Variants in MAGI2 observed in about 807,000 individuals in gnomAD.
MAGI2 encodes the protein membrane associated guanylate kinase, WW and PDZ domain containing 2, also known as membrane-associated guanylate kinase, WW and PDZ domain-containing protein 2.
Under a neutral mutation model 133.3 loss-of-function variants are expected in MAGI2, and 35 were observed. The ratio of observed to expected loss-of-function variants is 0.26; its 90% CI spans 0.20 to 0.35. MAGI2 has a LOEUF of 0.35. MAGI2 is among the 10% of genes least tolerant of loss of function. MAGI2 has a pLI of 1.00. For synonymous variants in MAGI2, 729 were observed against 710.6 expected (o/e 1.03, Z -0.41); for missense variants, 1,636 against 1,863.4 (o/e 0.88, Z 2.25).
chr7:79,440,982 G>C (rs1188100769), intron 1 of MAGI2, among the ~76,000 whole-genome samples: 1 of 152,180 alleles, frequency 6.6e-6, no homozygotes, highest in Non-Finnish European at 1.5e-5. Flanking sequence ...ATAGTCTTTT[G>C]TTGAATCTTA....
At chr7:78,142,048 T>A (rs1822817861) in intron 16 of MAGI2, among the ~76,000 whole-genome samples, 1 of 152,162 alleles carries the variant, frequency 6.6e-6, no homozygotes, top group Admixed American at 6.5e-5. Context: ...AACTGTTCTA[T>A]CCTGGAACAT....
chr7:78,898,917 A>G (rs1013576623), intron 2 of MAGI2, among the ~76,000 whole-genome samples: 2 of 152,138 alleles, frequency 1.3e-5, no homozygotes, highest in Non-Finnish European at 2.9e-5. Flanking sequence ...TATGGTGGAA[A>G]TACTACATAA....
intron 21 of MAGI2, among the ~76,000 whole-genome samples, chr7:78,062,887 TC>T (rs1269868010): frequency 2.0e-5 from 3 of 152,302 alleles, no homozygotes; most frequent in Admixed American, 6.5e-5. Flanking sequence ...CTTCCTGACA[TC>T]ATCTCCCACC....
intron 1 of MAGI2, among the ~76,000 whole-genome samples, chr7:79,357,659 CA>C (rs1412225215): frequency 3.3e-4 from 50 of 152,164 alleles, no homozygotes; most frequent in Non-Finnish European, 1.0e-4. Flanking sequence ...CATCTCTGTC[CA>C]AAAGGGGCAT....
chr7:78,202,717 T>C (rs1009909141), intron 10 of MAGI2, among the ~76,000 whole-genome samples: 6 of 148,728 alleles, frequency 4.0e-5, no homozygotes, highest in African/African-American at 1.5e-4. Flanking sequence ...TTAAGCTATA[T>C]AATCCATCAT....
chr7:79,447,684 G>A (rs1235463026), intron 1 of MAGI2, among the ~76,000 whole-genome samples: 1 of 151,476 alleles, frequency 6.6e-6, no homozygotes, highest in East Asian at 1.9e-4. Context: ...TACGTTAATA[G>A]TATTTAAATA....
intron 9 of MAGI2, among the ~76,000 whole-genome samples, chr7:78,276,772 G>C (rs185895764): frequency 6.6e-6 from 1 of 152,092 alleles, no homozygotes; most frequent in Non-Finnish European, 1.5e-5. Context: ...TGTTAACCTG[G>C]TTATCTATGA....
intron 2 of MAGI2, among the ~76,000 whole-genome samples, chr7:78,956,573 T>G (rs1802396542): frequency 6.6e-6 from 1 of 152,220 alleles, no homozygotes; most frequent in Non-Finnish European, 1.5e-5. Flanking sequence ...ATTTCCTACA[T>G]TCTATTTTCT....
chr7:78,571,995 T>C (rs1223969484), intron 3 of MAGI2, among the ~76,000 whole-genome samples: 1 of 152,180 alleles, frequency 6.6e-6, no homozygotes, highest in Non-Finnish European at 1.5e-5. Context: ...TGTCTACTTG[T>C]TTTCAAAACA....
At chr7:78,591,547 C>G (rs1188734819) in intron 3 of MAGI2, among the ~76,000 whole-genome samples, 1 of 152,156 alleles carries the variant, frequency 6.6e-6, no homozygotes, top group African/African-American at 2.4e-5. Flanking sequence ...ATGGCGGAGC[C>G]CTAACATCCA....
At chr7:79,202,320 G>A (rs937271706) in intron 1 of MAGI2, among the ~76,000 whole-genome samples, 3 of 151,874 alleles carry the variant, frequency 2.0e-5, no homozygotes, top group African/African-American at 4.8e-5. Flanking sequence ...TTAAGGTATG[G>A]TCAAAGTCAC....
intron 2 of MAGI2, among the ~76,000 whole-genome samples, chr7:78,723,030 C>T (rs1332092286): frequency 6.6e-6 from 1 of 151,942 alleles, no homozygotes; most frequent in Admixed American, 6.6e-5. Context: ...AGTAAAGTTG[C>T]TAAGAGAAAA....
intron 1 of MAGI2, among the ~76,000 whole-genome samples, chr7:79,324,281 G>A (rs1839422543): frequency 6.6e-6 from 1 of 150,916 alleles, no homozygotes; most frequent in Non-Finnish European, 1.5e-5. Context: ...ACTATGTAAG[G>A]TCTGTGCCTA....
chr7:79,259,081 A>G (rs1030465872), intron 1 of MAGI2, among the ~76,000 whole-genome samples: 6 of 152,240 alleles, frequency 3.9e-5, no homozygotes, highest in African/African-American at 1.4e-4. Flanking sequence ...GTCTTTGGAA[A>G]GATCACCAGA....
intron 6 of MAGI2, among the ~76,000 whole-genome samples, chr7:78,473,753 G>A (rs1420241624): frequency 6.6e-6 from 1 of 151,902 alleles, no homozygotes; most frequent in Non-Finnish European, 1.5e-5. Flanking sequence ...GTTTCCTTCT[G>A]GAGATCTAAA....
intron 6 of MAGI2, among the ~76,000 whole-genome samples, chr7:78,401,426 G>A (rs767234267): frequency 6.6e-6 from 1 of 152,062 alleles, no homozygotes; most frequent in Non-Finnish European, 1.5e-5. Flanking sequence ...TACTAGACAT[G>A]TGAATTCTTC....
intron 1 of MAGI2, among the ~76,000 whole-genome samples, chr7:79,362,538 G>A (rs1351356031): frequency 2.6e-5 from 4 of 151,572 alleles, no homozygotes; most frequent in African/African-American, 9.7e-5. Flanking sequence ...ACCAGACAAA[G>A]AAAAAAATAT....
chr7:78,852,999 A>G (rs983572549), intron 2 of MAGI2, among the ~76,000 whole-genome samples: 3 of 152,184 alleles, frequency 2.0e-5, no homozygotes, highest in African/African-American at 4.8e-5. Flanking sequence ...CTGAATCTCC[A>G]GTAAATGTCA....
intron 1 of MAGI2, among the ~76,000 whole-genome samples, chr7:79,389,034 T>C (rs995636001): frequency 2.6e-5 from 4 of 151,980 alleles, no homozygotes; most frequent in Non-Finnish European, 4.4e-5. Flanking sequence ...AAAGAGTTTT[T>C]ATAAAATACC....
Sources: allele counts gnomAD v4.1 joint callset (sites outside exome capture counted in the v4.1 genomes callset), GRCh38; gene constraint gnomAD v4.1.1; transcripts MANE v1.5; gene names NCBI Gene and HGNC (gene_info 2026-07-23, HGNC 2026-07-21).